Variants in GRID2 observed in about 807,000 individuals in gnomAD.
GRID2 encodes glutamate ionotropic receptor delta type subunit 2.
In GRID2, 33 loss-of-function variants were observed where a neutral mutation model predicts 114.8. That is an observed-to-expected ratio of 0.29 (90% CI 0.22 to 0.38). The LOEUF is 0.38. GRID2 is among the 10% of genes least tolerant of loss of function. The pLI is 1.00. For synonymous variants in GRID2, 505 were observed against 449.9 expected, an observed-to-expected ratio of 1.12 and a Z score of -1.55; for missense variants, 1,184 against 1,257.7, an observed-to-expected ratio of 0.94 and a Z score of 0.89.
chr4:93,250,439 A>G (rs1163429340), intron 8 of GRID2, among the ~76,000 whole-genome samples: 5 of 151,936 alleles, frequency 3.3e-5, no homozygotes, highest in Non-Finnish European at 7.4e-5. Context: ...GCATGTGTAT[A>G]CCTATGTAAC....
intron 2 of GRID2, among the ~76,000 whole-genome samples, chr4:92,929,560 G>A (rs1300825088): frequency 3.3e-5 from 5 of 151,322 alleles, no homozygotes; most frequent in Non-Finnish European, 7.4e-5. Flanking sequence ...AGAGTTGGCT[G>A]TCTGATAATA....
At chr4:92,575,017 T>A (rs1727816270) in intron 1 of GRID2, among the ~76,000 whole-genome samples, 1 of 152,178 alleles carries the variant, frequency 6.6e-6, no homozygotes, top group African/African-American at 2.4e-5. Flanking sequence ...TTTTGTTCAT[T>A]CCTTTTTCTC....
At chr4:92,428,451 A>C (rs1302668181) in intron 1 of GRID2, among the ~76,000 whole-genome samples, 1 of 151,964 alleles carries the variant, frequency 6.6e-6, no homozygotes, top group Admixed American at 6.6e-5. Flanking sequence ...CTAAATTTTC[A>C]GTAAGGAAAA....
At chr4:92,543,396 T>C (rs758533290) in intron 1 of GRID2, among the ~76,000 whole-genome samples, 7 of 152,190 alleles carry the variant, frequency 4.6e-5, no homozygotes, top group Non-Finnish European at 8.8e-5. Context: ...TAGTAAGTGC[T>C]AAGTTCTATA....
chr4:92,487,428 A>T (rs1358469952), intron 1 of GRID2, among the ~76,000 whole-genome samples: 4 of 151,982 alleles, frequency 2.6e-5, no homozygotes, highest in Non-Finnish European at 4.4e-5. Context: ...CTACTACTAG[A>T]ACAGGCCTTC....
intron 1 of GRID2, among the ~76,000 whole-genome samples, chr4:92,395,095 A>C (rs1469999313): frequency 6.6e-6 from 1 of 151,570 alleles, no homozygotes; most frequent in East Asian, 1.9e-4. Flanking sequence ...ACAACACATA[A>C]ATATTTTCTT....
At chr4:93,099,788 T>C (rs1250558541) in intron 3 of GRID2, among the ~76,000 whole-genome samples, 3 of 151,898 alleles carry the variant, frequency 2.0e-5, no homozygotes, top group African/African-American at 7.2e-5. Context: ...TGTGTTCTTT[T>C]GAAATGAGCA....
chr4:93,120,334 T>G (rs528890085), intron 4 of GRID2, among the ~76,000 whole-genome samples: 8 of 152,124 alleles, frequency 5.3e-5, no homozygotes, highest in Admixed American at 3.3e-4. Flanking sequence ...AGCAAAGACT[T>G]AGAACCAACC....
At chr4:92,896,130 A>G (rs1192055863) in intron 2 of GRID2, among the ~76,000 whole-genome samples, 1 of 152,224 alleles carries the variant, frequency 6.6e-6, no homozygotes, top group Non-Finnish European at 1.5e-5. Context: ...AGGTTTATAC[A>G]ATTCCATAAG....
chr4:93,772,050 C>T (rs1578782572), intron 15 of GRID2, 26 bp from the exon 16 acceptor site: 1 of 1,474,132 alleles, frequency 6.8e-7, no homozygotes, highest in Non-Finnish European at 9.4e-7. Context: ...TGATGAGAAC[C>T]TTATTTTCTT....
chr4:93,238,594 A>G (rs1579386949), intron 8 of GRID2, 104 bp downstream of exon 8: 1 of 823,652 alleles, frequency 1.2e-6, no homozygotes, highest in Non-Finnish European at 1.8e-6. Flanking sequence ...TCAATATTGT[A>G]GTGTGAAAGA....
chr4:93,361,530 C>A (rs1298059457), intron 8 of GRID2, among the ~76,000 whole-genome samples: 3 of 150,888 alleles, frequency 2.0e-5, no homozygotes, highest in African/African-American at 4.9e-5. Context: ...TCTATTAGAG[C>A]CTATCTCTCT....
intron 2 of GRID2, among the ~76,000 whole-genome samples, chr4:92,733,912 G>A (rs1736456305): frequency 6.6e-6 from 1 of 151,986 alleles, no homozygotes; most frequent in South Asian, 2.1e-4. Context: ...ATTCTTCAGA[G>A]GAGCAGGGAG....
chr4:93,000,204 A>G (rs1755454579), intron 2 of GRID2, among the ~76,000 whole-genome samples: 1 of 151,706 alleles, frequency 6.6e-6, no homozygotes, highest in Admixed American at 6.6e-5. Flanking sequence ...GGGAAATAAT[A>G]TATGTATTAG....
intron 2 of GRID2, among the ~76,000 whole-genome samples, chr4:92,962,010 C>A (rs1226208400): frequency 6.6e-6 from 1 of 151,772 alleles, no homozygotes; most frequent in Non-Finnish European, 1.5e-5. Context: ...TCTAGAATTT[C>A]TTTTTGTTTC....
intron 11 of GRID2, among the ~76,000 whole-genome samples, chr4:93,483,565 A>G (rs1441161770): frequency 6.6e-6 from 1 of 151,986 alleles, no homozygotes; most frequent in Non-Finnish European, 1.5e-5. Context: ...CACACAGAAT[A>G]AGACTTAGAA....
At chr4:93,033,439 C>T (rs1199204004) in intron 2 of GRID2, among the ~76,000 whole-genome samples, 2 of 152,176 alleles carry the variant, frequency 1.3e-5, no homozygotes, top group African/African-American at 4.8e-5. Flanking sequence ...ACTTTCTTAG[C>T]ATCAGTGTGA....
chr4:92,933,609 T>A (rs1750408313), intron 2 of GRID2, among the ~76,000 whole-genome samples: 1 of 151,518 alleles, frequency 6.6e-6, no homozygotes, highest in Non-Finnish European at 1.5e-5. Context: ...GACTGCAATT[T>A]TCCAAACATA....
At chr4:92,413,695 A>G (rs1409444143) in intron 1 of GRID2, among the ~76,000 whole-genome samples, 3 of 152,170 alleles carry the variant, frequency 2.0e-5, no homozygotes, top group Non-Finnish European at 4.4e-5. Context: ...AATTCTGTAA[A>G]ATGAAAGGGA....
Sources: allele counts gnomAD v4.1 joint callset (sites outside exome capture counted in the v4.1 genomes callset), GRCh38; gene constraint gnomAD v4.1.1; transcripts MANE v1.5; gene names NCBI Gene and HGNC (gene_info 2026-07-23, HGNC 2026-07-21).